The following C16orf89 variants were observed in gnomAD, a reference collection of about 807,000 sequenced individuals.
C16orf89 encodes UPF0764 protein C16orf89.
Under a neutral mutation model 41.5 loss-of-function variants are expected in C16orf89, and 57 were observed. The observed-to-expected ratio is 1.38, with a 90% CI of 1.11 to 1.71. The LOEUF (loss-of-function observed/expected upper bound fraction) is 1.71. Among genes scored for constraint, C16orf89 ranks in the 40% most tolerant of loss-of-function variants. The pLI is 0.00. For missense variants in C16orf89, 575 were observed against 445.9 expected, an observed-to-expected ratio of 1.29 and a Z score of -2.61; for synonymous variants, 223 against 190.6, an observed-to-expected ratio of 1.17 and a Z score of -1.40.
intron 6 of C16orf89, among the ~76,000 whole-genome samples, chr16:5,051,865 C>T (rs1335500413): frequency 1.3e-5 from 2 of 151,852 alleles, no homozygotes; most frequent in Non-Finnish European, 1.5e-5. Context: ...TTTGGGAGGT[C>T]GAGGTAGGCA....
chr16:5,046,191 T>A (rs1325534633), intron 7 of C16orf89, among the ~76,000 whole-genome samples: 2 of 152,168 alleles, frequency 1.3e-5, no homozygotes, highest in African/African-American at 4.8e-5. Context: ...CCTGTCCACC[T>A]GTAGGTGGAT....
chr16:5,053,121 G>T (rs944073347), intron 6 of C16orf89, among the ~76,000 whole-genome samples: 30 of 152,120 alleles, frequency 2.0e-4, no homozygotes, highest in African/African-American at 6.8e-4. Context: ...TGTAATCCCA[G>T]CACTTTGGGA....
At chr16:5,061,981 G>T (rs1186933127) in intron 2 of C16orf89, among the ~76,000 whole-genome samples, 1 of 152,190 alleles carries the variant, frequency 6.6e-6, no homozygotes, top group East Asian at 1.9e-4. Context: ...CCACTGTTTT[G>T]AAAAATAGTG....
intron 4 of C16orf89, among the ~76,000 whole-genome samples, chr16:5,057,088 A>G (rs1278628988): frequency 6.6e-6 from 1 of 151,930 alleles, no homozygotes; most frequent in East Asian, 1.9e-4. Context: ...AAATACAAAA[A>G]TTAGCTGGGC....
intron 3 of C16orf89, among the ~76,000 whole-genome samples, chr16:5,059,850 G>A (rs1442363206): frequency 6.6e-6 from 1 of 152,070 alleles, no homozygotes; most frequent in Non-Finnish European, 1.5e-5. Flanking sequence ...GGATGGGGTT[G>A]GAGGTAGGAT....
intron 2 of C16orf89, 118 bp from the exon 3 acceptor site, chr16:5,060,554 TC>T: frequency 1.6e-5 from 17 of 1,075,334 alleles, no homozygotes; most frequent in Non-Finnish European, 2.0e-5. Flanking sequence ...AGCTCAGGGC[TC>T]TAAGCCCTGT....
intron 4 of C16orf89, among the ~76,000 whole-genome samples, chr16:5,057,468 C>G (rs932711821): frequency 1.0e-4 from 15 of 145,656 alleles, no homozygotes; most frequent in African/African-American, 3.8e-4. Context: ...AATATATATA[C>G]TGGTGTGTGT....
In C16orf89 at chr16:5,060,319, C is replaced by T. The variant is rs1303362415; in HGVS notation, c.476G>A (p.Ser159Asn). Residue 159 changes from serine (S) to asparagine (N), a missense_variant, in exon 3 of 8, where the codon AGT becomes AAT. Transcript: ENST00000472572. ...CAGCAGCTGCACCAGGCACACGTCA[C>T]TTCTCTCCTCTGAGAATGAGTCCTG... ...GPQDSFSEER[S>N]DVCLVQLLGT... 1.2e-6 allele frequency: 2 copies of T among 1,612,950 alleles called. No individual in the cohort carries two copies. Among genetic ancestry groups the T allele is most frequent in the Non-Finnish European group, 1.7e-6 (2 of 1,179,528 alleles).
chr16:5,043,589 T>A (rs1956240705), downstream of C16orf89: 1 of 152,268 alleles, frequency 6.6e-6, no homozygotes, highest in African/African-American at 2.4e-5. Context: ...GAGTATGTGC[T>A]GCCTTTCAGG....
Position 5,060,336 on chromosome 16 carries a change from T to C in C16orf89, c.459A>G (p.Ser153=). The part of the protein sequence containing the change: ...LVYPTFGPQD[S]FSEERSDVCL... ...ACACGTCACTTCTCTCCTCTGAGAA[T>C]GAGTCCTGGGGCCCGAACGTGGGGT... The change falls in exon 3 of 8, where the codon TCA becomes TCG. Residue 153 remains serine, a synonymous_variant. Coordinates refer to ENST00000472572, the MANE Select transcript of C16orf89 (RefSeq NM_001098514.3). The C allele has an allele frequency of 6.2e-7, 1 of 1,613,332 alleles. No homozygotes were observed. The highest frequency in any genetic ancestry group is 8.5e-7 in the Non-Finnish European group (1 of 1,179,736).
intron 2 of C16orf89, among the ~76,000 whole-genome samples, chr16:5,061,432 CAAAAAAA>C (rs59903296): frequency 4.8e-3 from 121 of 25,236 alleles, no homozygotes; most frequent in Non-Finnish European, 5.3e-3. Context: ...GACTCTGTCT[CAAAAAAA>C]AAAAAAAAAA....
intron 6 of C16orf89, among the ~76,000 whole-genome samples, chr16:5,054,172 T>C (rs1956447018): frequency 6.6e-6 from 1 of 152,222 alleles, no homozygotes; most frequent in African/African-American, 2.4e-5. Flanking sequence ...GACACTAGCA[T>C]TTCCTGGGAG....
At chr16:5,048,816 A>C (rs1204673761) in intron 6 of C16orf89, among the ~76,000 whole-genome samples, 1 of 152,178 alleles carries the variant, frequency 6.6e-6, no homozygotes, top group Non-Finnish European at 1.5e-5. Context: ...AAGGATATAG[A>C]AGATAACCAG....
downstream of C16orf89, chr16:5,042,907 C>G (rs1159813114): frequency 6.6e-6 from 1 of 152,242 alleles, no homozygotes; most frequent in African/African-American, 2.4e-5. This position sits in a 1 kb window ranked among gnomAD's most constrained non-coding sequence, Gnocchi z 4.2. Context: ...AGGCAGCGGC[C>G]TCTTCTGGCA....
chr16:5,064,961 C>A (rs1956705384), intron 1 of C16orf89, among the ~76,000 whole-genome samples: 4 of 152,170 alleles, frequency 2.6e-5, no homozygotes, highest in Admixed American at 1.3e-4. Context: ...TGGGTTGTGC[C>A]CACATTGAGC....
chr16:5,052,799 A>G (rs143296944), intron 6 of C16orf89, among the ~76,000 whole-genome samples: 175 of 152,320 alleles, frequency 1.1e-3, no homozygotes, highest in African/African-American at 3.9e-3. Flanking sequence ...AGGAAAGGAA[A>G]TTGGTATGTT....
Position 5,055,196 on chromosome 16 carries a change from C to A in C16orf89, c.868+50G>T, listed in dbSNP as rs373308645. On this transcript the variant is annotated intron_variant, in intron 6 of 7. Transcript: ENST00000472572. Reference sequence around the variant, plus strand: ...CACCTGGCCTAGAAACTCAGAGCCACCCCCACCCCCACTGCCCCCCTTCTT... The same window carrying A: ...CACCTGGCCTAGAAACTCAGAGCCAACCCCACCCCCACTGCCCCCCTTCTT... 8.2e-6 allele frequency: 12 copies of A among 1,463,276 alleles called. No homozygotes were observed. The South Asian group carries it at 1.5e-4, about 18-fold the overall frequency. The allele number at this position is 1,463,276 out of a possible 1,614,324, so 90.6% of individuals were successfully genotyped here.
chr16:5,043,766 T>A (rs963383449), downstream of C16orf89: 13 of 152,388 alleles, frequency 8.5e-5, no homozygotes, highest in African/African-American at 3.1e-4. Context: ...ATGCCTGTAA[T>A]CCCAGCACTT....
At chr16:5,062,631 C>A (rs1241266724) in intron 1 of C16orf89, 57 bp from the exon 2 acceptor site, 2 of 1,491,288 alleles carry the variant, frequency 1.3e-6, no homozygotes, top group Non-Finnish European at 1.8e-6. Context: ...CTTTTTTTGC[C>A]TTGGAACAAG....
Sources: gnomAD v4.1 joint callset for allele counts (sites outside exome capture counted in the v4.1 genomes callset) on GRCh38, gnomAD v4.1.1 for gene constraint, Gnocchi (gnomAD v3.1) non-coding constraint, MANE v1.5 for transcripts, NCBI Gene and HGNC (gene_info 2026-07-23, HGNC 2026-07-21) for gene names.